The following PPP2R2D variants were observed in gnomAD, a reference collection of about 807,000 sequenced individuals.
PPP2R2D encodes protein phosphatase 2 regulatory subunit Bdelta.
A neutral mutation model predicts 31.1 loss-of-function variants in PPP2R2D; 9 were observed. That is an observed-to-expected ratio of 0.29 (90% CI 0.17 to 0.51). The LOEUF (loss-of-function observed/expected upper bound fraction) is 0.51, where lower values mean the gene tolerates loss of function less well. PPP2R2D is among the 20% of genes least tolerant of loss of function. The probability of loss-of-function intolerance (pLI) is 0.98; values close to 1 mark genes in which losing one functional copy is unlikely to be tolerated. For synonymous variants in PPP2R2D, 179 were observed against 172.6 expected (o/e 1.04, Z -0.29); for missense variants, 391 against 465.6 (o/e 0.84, Z 1.48).
At chr10:131,963,661 CCTTT>C, downstream of PPP2R2D, among the ~76,000 whole-genome samples, 1 of 152,388 alleles carries the variant, frequency 6.6e-6, no homozygotes, top group East Asian at 1.9e-4. Context: ...TGAGGCTCTG[CCTTT>C]CTAACAAGCC....
At chr10:131,965,039 A>G in the PPP2R2D span, among the ~76,000 whole-genome samples, 1 of 152,126 alleles carries the variant, frequency 6.6e-6, no homozygotes, top group Non-Finnish European at 1.5e-5. Flanking sequence ...TTTCACATAA[A>G]GTATACTATA....
chr10:131,901,056 G>GCGGCGGCGGCGC lies in PPP2R2D; in HGVS notation c.-93_-92insCGGCGGCGGCGC, dbSNP rs2035482860. On this transcript the variant is annotated 5_prime_UTR_variant, in exon 1 of 9. Transcript: ENST00000455566. ...GGCGGCGGCGGCGGCGCCGGCGGTG[G>GCGGCGGCGGCGC]TGGCGGCCCCGGGGCTGAGCGCTCG... is the stretch of plus-strand genomic sequence containing the variant. 2.4e-5 allele frequency: 4 copies of GCGGCGGCGGCGC among 166,164 alleles called. No homozygotes were observed. The highest frequency in any genetic ancestry group is 3.5e-4 in the South Asian group (2 of 5,786). 10.3% of individuals were successfully genotyped at this position (166,164 alleles called of 1,614,324 possible). A position where few individuals can be genotyped will look rare whatever the true frequency, so the allele number is the denominator to read the frequency against.
At position 131,947,786 on chromosome 10, in the gene PPP2R2D, G is replaced by A. The variant is rs369446279; in HGVS notation, c.1077G>A (p.Ser359=). ...FDKFECCWNG[S]DSAIMTGSYN... ...AGTTTGAGTGTTGCTGGAACGGTTC[G>A]GATAGGTAAGGCCTGCGTGGAGATG... Residue 359 remains serine, a synonymous_variant, in exon 8 of 9, where the codon TCG becomes TCA. Transcript: ENST00000455566. This position sits in a 1 kb window ranked among gnomAD's most constrained non-coding sequence, Gnocchi z 4.3. 6 of 1,613,218 alleles carry A rather than the reference G, an allele frequency of 3.7e-6. No individual in the cohort carries two copies. Among genetic ancestry groups the A allele is most frequent in the African/African-American group, 2.7e-5 (2 of 74,930 alleles).
At chr10:131,955,121 G>T (rs2036769918) in intron 8 of PPP2R2D, among the ~76,000 whole-genome samples, 1 of 152,232 alleles carries the variant, frequency 6.6e-6, no homozygotes, top group South Asian at 2.1e-4. Context: ...CAAAAGCATG[G>T]ACGGTATTGT....
intron 2 of PPP2R2D, among the ~76,000 whole-genome samples, chr10:131,918,646 T>G (rs1554893628): frequency 7.6e-6 from 1 of 131,746 alleles, no homozygotes; most frequent in Non-Finnish European, 1.6e-5. Context: ...GACACAGTGT[T>G]TGTAGGGACC....
intron 2 of PPP2R2D, among the ~76,000 whole-genome samples, chr10:131,915,870 G>GA (rs1466485670): frequency 3.3e-5 from 5 of 152,190 alleles, no homozygotes; most frequent in African/African-American, 1.2e-4. Context: ...CTCTGCCATA[G>GA]AGCCCCGGTT....
At chr10:131,923,713 A>G (rs1350013217) in intron 2 of PPP2R2D, among the ~76,000 whole-genome samples, 1 of 152,164 alleles carries the variant, frequency 6.6e-6, no homozygotes, top group Non-Finnish European at 1.5e-5. Context: ...TTATTTGGAC[A>G]TTTATATATA....
chr10:131,914,225 G>T (rs375061779), intron 2 of PPP2R2D, among the ~76,000 whole-genome samples: 1 of 152,094 alleles, frequency 6.6e-6, no homozygotes, highest in Non-Finnish European at 1.5e-5. Flanking sequence ...AGATATGACC[G>T]GCCTCACACC....
In PPP2R2D at chr10:131,955,401, T is replaced by G. The variant is rs192305806; in HGVS notation, c.1083-283T>G. Among the ~76,000 whole-genome samples, 190 of 152,220 alleles carry G rather than the reference T, an allele frequency of 1.2e-3. 1 individual carries two copies. The highest frequency in any genetic ancestry group is 3.8e-4 in the Non-Finnish European group (26 of 68,006). On this transcript the variant is annotated intron_variant, in intron 8 of 8. Transcript: ENST00000455566. ...TGCTGTTATTCATGAGTGAGATAAA[T>G]AGGTGGGGTTGTTTCAAAAAATACA... is the stretch of plus-strand genomic sequence containing the variant.
downstream of PPP2R2D, among the ~76,000 whole-genome samples, chr10:131,960,537 C>T (rs1011142038): frequency 1.3e-5 from 2 of 152,178 alleles, no homozygotes; most frequent in African/African-American, 4.8e-5. Context: ...GCAGCATGTG[C>T]GTGTCTGTCT....
At chr10:131,962,614 G>A (rs545454967), downstream of PPP2R2D, among the ~76,000 whole-genome samples, 1 of 152,290 alleles carries the variant, frequency 6.6e-6, no homozygotes, top group East Asian at 1.9e-4. Context: ...GCTGGAGACT[G>A]GGTCCCTTGC....
At chr10:131,954,421 A>G (rs1315413536) in intron 8 of PPP2R2D, among the ~76,000 whole-genome samples, 1 of 152,208 alleles carries the variant, frequency 6.6e-6, no homozygotes, top group Non-Finnish European at 1.5e-5. Context: ...TGTGGAAACT[A>G]ATTTGGGGAA....
At chr10:131,926,061 C>T (rs1304323859) in intron 2 of PPP2R2D, among the ~76,000 whole-genome samples, 1 of 152,202 alleles carries the variant, frequency 6.6e-6, no homozygotes, top group South Asian at 2.1e-4. Flanking sequence ...GCACAATGAC[C>T]TGGGCGGGGC....
At chr10:131,940,482 CA>C (rs782625442) in intron 4 of PPP2R2D, 99 bp from the exon 5 acceptor site, 11 of 642,128 alleles carry the variant, frequency 1.7e-5, no homozygotes, top group African/African-American at 3.7e-5. Context: ...GCTTATAACC[CA>C]ATATAGGACC....
intron 8 of PPP2R2D, among the ~76,000 whole-genome samples, chr10:131,949,415 G>A (rs921646641): frequency 9.9e-5 from 15 of 152,162 alleles, no homozygotes; most frequent in African/African-American, 3.1e-4. Context: ...GTGAGAACAC[G>A]CATGCTGGGT....
intron 2 of PPP2R2D, among the ~76,000 whole-genome samples, chr10:131,928,709 A>G (rs2036151883): frequency 6.6e-6 from 1 of 152,206 alleles, no homozygotes; most frequent in African/African-American, 2.4e-5. Flanking sequence ...GATCCAGAGA[A>G]GTAGAGAAGT....
At chr10:131,931,080 G>A (rs557416544) in intron 2 of PPP2R2D, among the ~76,000 whole-genome samples, 1 of 152,334 alleles carries the variant, frequency 6.6e-6, no homozygotes, top group South Asian at 2.1e-4. Context: ...GCAGGGGCTT[G>A]CTACCTTGAG....
intron 2 of PPP2R2D, among the ~76,000 whole-genome samples, chr10:131,924,692 T>C (rs1183353267): frequency 1.3e-5 from 2 of 151,330 alleles, no homozygotes; most frequent in Admixed American, 1.3e-4. Flanking sequence ...TTGGCAATTT[T>C]TGCAAAAAAA....
chr10:131,911,717 G>A (rs998391642), intron 2 of PPP2R2D: 9 of 144,894 alleles, frequency 6.2e-5, no homozygotes, highest in Non-Finnish European at 1.2e-4. Flanking sequence ...TTGACCTCAC[G>A]GACCCTCTGA....
Sources: gnomAD v4.1 joint callset for allele counts (sites outside exome capture counted in the v4.1 genomes callset) on GRCh38, gnomAD v4.1.1 for gene constraint, Gnocchi (gnomAD v3.1) non-coding constraint, MANE v1.5 for transcripts, NCBI Gene and HGNC (gene_info 2026-07-23, HGNC 2026-07-21) for gene names.